Variants in ZNF10 observed in about 807,000 individuals in gnomAD.
ZNF10 encodes the protein zinc finger protein 10.
In ZNF10, 8 loss-of-function variants were observed where a neutral mutation model predicts 12.2. That is an observed-to-expected ratio of 0.66 (90% CI 0.39 to 1.18). ZNF10 has a LOEUF of 1.18. ZNF10 is among the 50% of genes most tolerant of loss of function. The probability of loss-of-function intolerance (pLI) is 0.01; values close to 1 mark genes in which losing one functional copy is unlikely to be tolerated. For missense variants in ZNF10, 603 were observed against 678.9 expected (o/e 0.89, Z 1.24); for synonymous variants, 229 against 228.2 (o/e 1.00, Z -0.03).
At chr12:133,148,434 T>C (rs943811966) in intron 2 of ZNF10, among the ~76,000 whole-genome samples, 15 of 152,172 alleles carry the variant, frequency 9.9e-5, no homozygotes, top group Non-Finnish European at 4.4e-5. Flanking sequence ...CAATTTGTGC[T>C]TTTGGTGTTA....
chr12:133,143,710 C>T (rs1955959365), intron 1 of ZNF10: 1 of 152,116 alleles, frequency 6.6e-6, no homozygotes, highest in African/African-American at 2.4e-5. Flanking sequence ...TAGCATATAC[C>T]ACAAACTTGG....
At chr12:133,141,962 AG>A (rs1566345792) in intron 1 of ZNF10, among the ~76,000 whole-genome samples, 1 of 152,226 alleles carries the variant, frequency 6.6e-6, no homozygotes, top group Non-Finnish European at 1.5e-5. Flanking sequence ...CTATATACAG[AG>A]GAATAAGGGA....
intron 3 of ZNF10, 90 bp downstream of exon 3, chr12:133,151,244 C>T (rs921439018): frequency 7.7e-7 from 1 of 1,303,368 alleles, no homozygotes; most frequent in Admixed American, 2.5e-5. Context: ...AGAGTATAGG[C>T]TTGGCGTTCA....
rs1475070912 is a variant in ZNF10, at chr12:133,158,671, A to G, written c.*1703A>G. The G allele has an allele frequency of 6.6e-6, 1 of 152,198 alleles. No individual in the cohort carries two copies. The highest frequency in any genetic ancestry group is 1.9e-4 in the East Asian group (1 of 5,190). The allele number at this position is 152,198 out of a possible 1,614,324, so 9.4% of individuals were successfully genotyped here. On this transcript the variant is annotated 3_prime_UTR_variant, in exon 5 of 5. Transcript: ENST00000248211. ...TGATTCTCCATTTTCTGGCATAAAT[A>G]TTAGCTGCTCAATGATTGATTGTTG...
chr12:133,153,896 G>A (rs1418710818), intron 4 of ZNF10, among the ~76,000 whole-genome samples: 1 of 152,102 alleles, frequency 6.6e-6, no homozygotes, highest in Non-Finnish European at 1.5e-5. Context: ...GTGTTCCTTG[G>A]CTTGTGGATA....
In ZNF10 at chr12:133,156,354, A is replaced by G; in HGVS notation, c.1108A>G (p.Thr370Ala). The change falls in exon 5 of 5, where the codon ACA (threonine) becomes GCA (alanine). Residue 370 changes from threonine to alanine, a missense_variant. By Grantham distance (58) the Thr-to-Ala change is moderately conservative (BLOSUM62 0). Transcript: ENST00000248211. The part of the protein sequence containing the change: ...HSSRLIRHQR[T>A]HTGEKPYECP... ...CTCTAGGCTTATTAGACACCAGAGG[A>G]CACATACTGGAGAGAAACCCTATGA... is the stretch of plus-strand genomic sequence containing the variant. 6.2e-7 allele frequency: 1 copy of G among 1,614,140 alleles called. No individual in the cohort carries two copies. Among genetic ancestry groups the G allele is most frequent in the South Asian group, 1.1e-5 (1 of 91,084 alleles).
intron 4 of ZNF10, among the ~76,000 whole-genome samples, chr12:133,154,759 G>A (rs1203093362): frequency 2.0e-5 from 3 of 152,078 alleles, no homozygotes; most frequent in African/African-American, 4.8e-5. Context: ...ATTGCCTGAC[G>A]TATGGCTGCA....
In ZNF10 at chr12:133,156,251, C is replaced by G; in HGVS notation, c.1005C>G (p.His335Gln). ...ECGKSFSWFS[H>Q]LVTHQRTHTG... ...GAAAATCCTTCAGCTGGTTCTCTCA[C>G]CTTGTTACTCATCAGAGAACTCATA... is the stretch of plus-strand genomic sequence containing the variant. The change falls in exon 5 of 5, where the codon CAC becomes CAG. Residue 335 changes from histidine to glutamine, a missense_variant. By Grantham distance (24) the His-to-Gln change is conservative. Around this residue, in one of 3 missense-constraint regions of ZNF10, gnomAD observed 393 missense variants for 399.7 expected, o/e 0.98. Transcript: ENST00000248211. The G allele has an allele frequency of 6.2e-7, 1 of 1,614,132 alleles. No homozygotes were observed. The highest frequency in any genetic ancestry group is 8.5e-7 in the Non-Finnish European group (1 of 1,180,016).
chr12:133,130,935 G>T (rs59204319), intron 1 of ZNF10, 181 bp downstream of exon 1: 11,345 of 152,230 alleles, frequency 0.075, 717 homozygotes, highest in African/African-American at 0.17. Context: ...GCGCGGCCCC[G>T]GCGTTCACGG....
chr12:133,152,337 A>G (rs550267709), intron 4 of ZNF10, among the ~76,000 whole-genome samples: 69 of 152,290 alleles, frequency 4.5e-4, no homozygotes, highest in African/African-American at 1.6e-3. Context: ...CAGAGAGCTC[A>G]TAATTCCTGT....
chr12:133,152,612 T>TA (rs1956015814), intron 4 of ZNF10, among the ~76,000 whole-genome samples: 1 of 152,132 alleles, frequency 6.6e-6, no homozygotes, highest in South Asian at 2.1e-4. Flanking sequence ...GATAGGGTTT[T>TA]ACCATGTTGG....
In ZNF10 at chr12:133,155,822, TA is replaced by T; in HGVS notation, c.580del (p.Ser194ValfsTer2). On this transcript the variant is annotated frameshift_variant, in exon 5 of 5. Transcript: ENST00000248211. LOFTEE classifies it low-confidence loss of function (END_TRUNC). ...ATTTCCATAAACGTGACTCACATACTAAAAGTTTAAAACATGATTTAGTTCT... is the reference window on the plus strand; with the variant it reads ...ATTTCCATAAACGTGACTCACATACTAAAGTTTAAAACATGATTTAGTTCT... Reference protein sequence around the residue: ...EYFHKRDSHTKSLKHDLVLNG... With the variant: ...EYFHKRDSHTXSLKHDLVLNG... 6.2e-7 allele frequency: 1 copy of T among 1,613,800 alleles called. No individual in the cohort carries two copies. Among genetic ancestry groups the T allele is most frequent in the Non-Finnish European group, 8.5e-7 (1 of 1,179,882 alleles).
chr12:133,154,940 T>C (rs989232605), intron 4 of ZNF10, among the ~76,000 whole-genome samples: 27 of 152,026 alleles, frequency 1.8e-4, no homozygotes, highest in African/African-American at 6.0e-4. Flanking sequence ...TAACCAGGCA[T>C]GGTGGCAGGT....
intron 1 of ZNF10, among the ~76,000 whole-genome samples, chr12:133,140,279 G>A (rs1407164732): frequency 1.3e-5 from 2 of 150,236 alleles, no homozygotes; most frequent in Admixed American, 1.3e-4. Context: ...TTGGGAGGCT[G>A]AGGAGGGAGG....
At chr12:133,148,101 CTT>C (rs1955986385) in intron 2 of ZNF10, among the ~76,000 whole-genome samples, 1 of 152,058 alleles carries the variant, frequency 6.6e-6, no homozygotes. Context: ...GTGAAGCTCA[CTT>C]TGTCAATTTT....
Position 133,155,779 on chromosome 12 carries a change from A to G in ZNF10, c.533A>G (p.Gln178Arg), listed in dbSNP as rs1956036086. 2 of 1,613,762 alleles carry G rather than the reference A, an allele frequency of 1.2e-6. No homozygotes were observed. The highest frequency in any genetic ancestry group is 1.7e-4 in the Middle Eastern group (1 of 6,056). Reference protein sequence around the residue: ...KYGGNCLLPAQLVLREYFHKR... With the variant: ...KYGGNCLLPARLVLREYFHKR... The stretch of plus-strand genomic sequence containing the variant: ...GGGGGAAACTGTCTTCTTCCTGCTC[A>G]GCTAGTACTGAGAGAGTATTTCCAT... The change falls in exon 5 of 5, where the codon CAG (glutamine) becomes CGG (arginine). Residue 178 changes from glutamine (Q) to arginine (R), a missense_variant. Coordinates refer to ENST00000248211, the MANE Select transcript of ZNF10 (RefSeq NM_015394.5).
intron 1 of ZNF10, among the ~76,000 whole-genome samples, chr12:133,141,540 A>G (rs1257682925): frequency 6.6e-6 from 1 of 152,220 alleles, no homozygotes; most frequent in Non-Finnish European, 1.5e-5. Context: ...GAGAAAACCT[A>G]TATTGCCTGA....
intron 2 of ZNF10, among the ~76,000 whole-genome samples, chr12:133,149,796 CCTT>C: frequency 1.3e-5 from 2 of 151,962 alleles, no homozygotes; most frequent in African/African-American, 4.8e-5. Context: ...ATCTTTTCCC[CCTT>C]CTTAATTTAC....
At chr12:133,147,783 T>C (rs1053043825) in intron 2 of ZNF10, among the ~76,000 whole-genome samples, 1 of 138,018 alleles carries the variant, frequency 7.2e-6, no homozygotes, top group Non-Finnish European at 1.6e-5. Flanking sequence ...GCCTGGCTAA[T>C]TTTTTTTTTT....
Sources: gnomAD v4.1 joint callset for allele counts (sites outside exome capture counted in the v4.1 genomes callset) on GRCh38, gnomAD v4.1.1 for gene constraint, gnomAD v4.1.1 regional missense constraint, MANE v1.5 for transcripts, NCBI Gene and HGNC (gene_info 2026-07-23, HGNC 2026-07-21) for gene names.